PAIP1: variants seen among roughly 807,000 people sequenced by gnomAD.
The protein encoded by PAIP1 is polyadenylate-binding protein-interacting protein 1.
In PAIP1, 16 loss-of-function variants were observed where a neutral mutation model predicts 61.3. That is an observed-to-expected ratio of 0.26 (90% CI 0.18 to 0.40). The LOEUF is 0.40. PAIP1 is among the 10% of genes least tolerant of loss of function. The pLI is 1.00. For missense variants in PAIP1, 416 were observed against 600.9 expected (o/e 0.69, Z 3.22); for synonymous variants, 187 against 226.2 (o/e 0.83, Z 1.56).
At chr5:43,555,287 T>C (rs533020769) in intron 2 of PAIP1, among the ~76,000 whole-genome samples, 1 of 152,356 alleles carries the variant, frequency 6.6e-6, no homozygotes, top group African/African-American at 2.4e-5. Flanking sequence ...GGATTTAAGC[T>C]AAAGTATCAT....
At chr5:43,529,938 A>G in intron 9 of PAIP1, 59 bp from the exon 10 acceptor site, 1 of 800,130 alleles carries the variant, frequency 1.2e-6, no homozygotes, top group Non-Finnish European at 2.2e-6. Flanking sequence ...GAAATGACCA[A>G]TCACCCCTAA....
intron 3 of PAIP1, among the ~76,000 whole-genome samples, chr5:43,545,490 A>G (rs1402406947): frequency 1.3e-5 from 2 of 152,188 alleles, no homozygotes; most frequent in Non-Finnish European, 2.9e-5. Context: ...AACTTTTTAG[A>G]TTCTCAAGCA....
rs1011986110 is a variant in PAIP1 at position 43,547,815 on chromosome 5, A to C, written c.534T>G (p.Thr178=). 34 of 1,611,896 alleles carry C rather than the reference A, an allele frequency of 2.1e-5. No homozygotes were observed. Among genetic ancestry groups the C allele is most frequent in the Non-Finnish European group, 2.5e-5 (30 of 1,178,634 alleles). ...HLTEQPGSFE[T]EIEQFAETLN... is the part of the protein sequence containing the mutation. ...GGGTCTCTGCAAACTGTTCAATTTCAGTTTCAAAACTGCCAGGCTGCTCTG... is the reference window on the plus strand; with the variant it reads ...GGGTCTCTGCAAACTGTTCAATTTCCGTTTCAAAACTGCCAGGCTGCTCTG... The change falls in exon 3 of 11, where the codon ACT becomes ACG. Residue 178 remains threonine, a synonymous_variant. Transcript: ENST00000306846.
rs374869860 is a variant in PAIP1, at chr5:43,527,433, C to T, written c.1383G>A (p.Glu461=). Reference sequence around the variant, plus strand: ...AAAACTTTTCATAAGCTTCTTCTATCTCTGGGTCCATCTCATCATCAATAT... The same window carrying T: ...AAAACTTTTCATAAGCTTCTTCTATTTCTGGGTCCATCTCATCATCAATAT... ...LDDIDDEMDP[E]IEEAYEKFCL... Residue 461 remains glutamate, a synonymous_variant, in exon 11 of 11, where the codon GAG becomes GAA. Coordinates refer to ENST00000306846, the MANE Select transcript of PAIP1 (RefSeq NM_006451.5). 6.2e-7 allele frequency: 1 copy of T among 1,607,646 alleles called. No homozygotes were observed. Among genetic ancestry groups the T allele is most frequent in the Non-Finnish European group, 8.5e-7 (1 of 1,177,098 alleles).
chr5:43,542,974 G>A, intron 4 of PAIP1, 30 bp downstream of exon 4: 1 of 1,132,524 alleles, frequency 8.8e-7, no homozygotes, highest in Non-Finnish European at 1.3e-6. Context: ...TTTAGAAGTA[G>A]TTTTCCTTTA....
intron 9 of PAIP1, among the ~76,000 whole-genome samples, chr5:43,530,123 A>G (rs960258189): frequency 1.3e-5 from 2 of 152,256 alleles, no homozygotes; most frequent in Admixed American, 6.5e-5. Flanking sequence ...TAATGGTTAT[A>G]TAACTGTTGG....
At chr5:43,535,997 A>C (rs933564961) in intron 6 of PAIP1, among the ~76,000 whole-genome samples, 1 of 152,076 alleles carries the variant, frequency 6.6e-6, no homozygotes, top group African/African-American at 2.4e-5. Flanking sequence ...AAAAAAAAAA[A>C]CACAAACATG....
At chr5:43,543,752 G>A (rs1747515945) in intron 3 of PAIP1, among the ~76,000 whole-genome samples, 1 of 150,280 alleles carries the variant, frequency 6.7e-6, no homozygotes, top group Admixed American at 6.6e-5. Context: ...TGATATAACT[G>A]AAGCAGTGTT....
In PAIP1 at chr5:43,539,187, T is replaced by A. The variant is rs1306857042; in HGVS notation, c.735-152A>T. ...CAATAAAGAAACTGTTCCTGACTAT[T>A]GAAGAGGCTAGAATATACACCATCT... is the stretch of plus-strand genomic sequence containing the variant. On this transcript the variant is annotated intron_variant, in intron 4 of 10. Coordinates refer to ENST00000306846, the MANE Select transcript of PAIP1 (RefSeq NM_006451.5). The A allele has an allele frequency of 5.2e-6, 3 of 582,478 alleles. No individual in the cohort carries two copies. In the African/African-American group the frequency reaches 5.6e-5, roughly 11 times the overall value. The allele number at this position is 582,478 out of a possible 1,614,324, so 36.1% of individuals were successfully genotyped here.
At chr5:43,543,310 C>CA (rs11427976) in intron 3 of PAIP1, among the ~76,000 whole-genome samples, 194 bp from the exon 4 acceptor site, 42,882 of 95,876 alleles carry the variant, frequency 0.45, 8,711 homozygotes, top group East Asian at 0.87. Context: ...ACAATAAGTA[C>CA]AAAAAAAAAA....
At chr5:43,540,058 A>C (rs1747334594) in intron 4 of PAIP1, among the ~76,000 whole-genome samples, 1 of 152,212 alleles carries the variant, frequency 6.6e-6, no homozygotes, top group Non-Finnish European at 1.5e-5. Context: ...AACAAAGAAA[A>C]AATAAATTAC....
intron 2 of PAIP1, among the ~76,000 whole-genome samples, chr5:43,548,678 C>A (rs907769618): frequency 2.0e-5 from 3 of 152,160 alleles, no homozygotes; most frequent in African/African-American, 7.2e-5. Flanking sequence ...ACTTGAGCAA[C>A]AACTTTCACA....
At position 43,556,744 on chromosome 5, in the gene PAIP1, C is replaced by G. The variant is rs1471914791; in HGVS notation, c.103G>C (p.Ala35Pro). ...GPEGGGFPNG[A>P]GPAERARHQP... ...TGCCGCGCCCGCTCAGCAGGCCCCG[C>G]TCCGTTCGGGAAACCGCCGCCCTCA... Residue 35 changes from alanine to proline, a missense_variant, in exon 1 of 11, where the codon GCG becomes CCG. Physicochemically the swap from Ala to Pro is conservative, Grantham distance 27. Transcript: ENST00000306846. The G allele has an allele frequency of 7.1e-7, 1 of 1,408,886 alleles. No homozygotes were observed. The highest frequency in any genetic ancestry group is 9.2e-7 in the Non-Finnish European group (1 of 1,085,506). The allele number at this position is 1,408,886 out of a possible 1,614,324, so 87.3% of individuals were successfully genotyped here. A position where few individuals can be genotyped will look rare whatever the true frequency, so the allele number is the denominator to read the frequency against.
At chr5:43,539,424 T>C (rs796104681) in intron 4 of PAIP1, among the ~76,000 whole-genome samples, 10 of 151,098 alleles carry the variant, frequency 6.6e-5, no homozygotes, top group African/African-American at 2.4e-4. Flanking sequence ...TTTTTTTTAA[T>C]ACTACAACTT....
At chr5:43,530,703 T>C (rs1355755096) in intron 9 of PAIP1, among the ~76,000 whole-genome samples, 2 of 152,192 alleles carry the variant, frequency 1.3e-5, no homozygotes, top group Non-Finnish European at 2.9e-5. Flanking sequence ...AAAACCTTCC[T>C]GCTACAAAAA....
At chr5:43,548,562 A>G (rs750982965) in intron 2 of PAIP1, among the ~76,000 whole-genome samples, 2 of 152,234 alleles carry the variant, frequency 1.3e-5, no homozygotes, top group Non-Finnish European at 2.9e-5. Flanking sequence ...TGATAGCAGC[A>G]GTAGTTTCCA....
At chr5:43,541,448 C>G (rs1472286156) in intron 4 of PAIP1, among the ~76,000 whole-genome samples, 2 of 149,286 alleles carry the variant, frequency 1.3e-5, no homozygotes, top group African/African-American at 5.0e-5. Context: ...CACTGTGCCC[C>G]ACCTATCATT....
rs369169651 is a variant in PAIP1 at position 43,545,660 on chromosome 5, T to G, written c.621+2068A>C. ...CCTGCTTTCTAGTCTTCAAAACTAG[T>G]GCTTTTCTTTTCCTCTTCTCTGTCC... On this transcript the variant is annotated intron_variant, in intron 3 of 10. Coordinates refer to ENST00000306846, the MANE Select transcript of PAIP1 (RefSeq NM_006451.5). 1.3e-5 allele frequency among the ~76,000 whole-genome samples: 2 copies of G among 152,194 alleles called. 1 individual carries two copies. Among genetic ancestry groups the G allele is most frequent in the East Asian group, 3.8e-4 (2 of 5,198 alleles).
chr5:43,556,881 C>T lies in PAIP1; in HGVS notation c.-35G>A. On this transcript the variant is annotated 5_prime_UTR_variant, in exon 1 of 11. Transcript: ENST00000306846. ...CCTCCGCCTCCTCCTCCAGGGGCCG[C>T]TGCCGCTGCGCTCGCGATAGGACGC... is the stretch of plus-strand genomic sequence containing the variant. The T allele has an allele frequency of 7.3e-7, 1 of 1,367,338 alleles. No homozygotes were observed. Among genetic ancestry groups the T allele is most frequent in the Non-Finnish European group, 9.4e-7 (1 of 1,063,944 alleles). 84.7% of individuals were successfully genotyped at this position (1,367,338 alleles called of 1,614,324 possible). A position where few individuals can be genotyped will look rare whatever the true frequency, so the allele number is the denominator to read the frequency against.
Sources: allele counts gnomAD v4.1 joint callset (sites outside exome capture counted in the v4.1 genomes callset), GRCh38; gene constraint gnomAD v4.1.1; transcripts MANE v1.5; gene names NCBI Gene and HGNC (gene_info 2026-07-23, HGNC 2026-07-21).